The following TNFSF4 variants were observed in gnomAD, a reference collection of about 807,000 sequenced individuals.
TNFSF4 encodes tumor necrosis factor ligand superfamily member 4.
TNFSF4 carries 4 observed loss-of-function variants against 7.3 expected under a neutral mutation model. The observed-to-expected ratio is 0.55, with a 90% CI of 0.27 to 1.25. The LOEUF (loss-of-function observed/expected upper bound fraction) is 1.25, where lower values mean the gene tolerates loss of function less well. Among genes scored for constraint, TNFSF4 ranks in the 50% most tolerant of loss-of-function variants. The pLI, the probability that TNFSF4 is intolerant of heterozygous loss-of-function variation, is 0.12. For synonymous variants in TNFSF4, 76 were observed against 83.7 expected (o/e 0.91, Z 0.50); for missense variants, 181 against 208.8 (o/e 0.87, Z 0.82).
the TNFSF4 span, among the ~76,000 whole-genome samples, chr1:173,257,511 C>A: frequency 6.6e-6 from 1 of 152,236 alleles, no homozygotes; most frequent in Non-Finnish European, 1.5e-5. Context: ...CAACGGGTTA[C>A]AAATTTTAGG....
chr1:173,257,584 C>T, the TNFSF4 span, among the ~76,000 whole-genome samples: 3,861 of 152,262 alleles, frequency 0.025, 68 homozygotes, highest in Admixed American at 0.053. Context: ...CACAAAAGCA[C>T]TATATTTATT....
chr1:173,440,121 G>A, the TNFSF4 span, among the ~76,000 whole-genome samples: 3 of 152,138 alleles, frequency 2.0e-5, no homozygotes, highest in Non-Finnish European at 4.4e-5. Flanking sequence ...GGCCTGGTTG[G>A]AGCTAACTAG....
At chr1:173,371,764 C>T in the TNFSF4 span, among the ~76,000 whole-genome samples, 7 of 152,152 alleles carry the variant, frequency 4.6e-5, no homozygotes, top group African/African-American at 1.4e-4. Flanking sequence ...TCTCAAATAC[C>T]AGAGGAAGCA....
the TNFSF4 span, among the ~76,000 whole-genome samples, chr1:173,242,783 A>G: frequency 1.3e-5 from 2 of 152,126 alleles, no homozygotes; most frequent in African/African-American, 2.4e-5. Context: ...AGACTGGCAA[A>G]GGCAGGGAAG....
In TNFSF4 at chr1:173,186,671, T is replaced by C; in HGVS notation, c.397A>G (p.Arg133Gly). The change falls in exon 3 of 3, where the codon AGG becomes GGG. Residue 133 changes from arginine to glycine, a missense_variant. By Grantham distance (125) the Arg-to-Gly change is moderately radical. Coordinates refer to ENST00000281834, the MANE Select transcript of TNFSF4 (RefSeq NM_003326.5). ...GCCACCATCAAGGAGTTGACAGACC[T>C]GACCTTCTTCAGTTGGAAGAGGGGC... ...EEPLFQLKKV[R>G]SVNSLMVASL... 6.2e-7 allele frequency: 1 copy of C among 1,614,196 alleles called. No individual in the cohort carries two copies. The highest frequency in any genetic ancestry group is 8.5e-7 in the Non-Finnish European group (1 of 1,180,014).
chr1:173,416,470 G>T, the TNFSF4 span, among the ~76,000 whole-genome samples: 7 of 152,148 alleles, frequency 4.6e-5, no homozygotes, highest in Non-Finnish European at 1.0e-4. Context: ...CACCTGTGGA[G>T]GGTGGGCAGT....
the TNFSF4 span, among the ~76,000 whole-genome samples, chr1:173,354,061 T>A: frequency 6.6e-6 from 1 of 150,428 alleles, no homozygotes; most frequent in Non-Finnish European, 1.5e-5. Flanking sequence ...TAGGAGGTGG[T>A]TTTTTAAAAA....
chr1:173,330,311 G>T, the TNFSF4 span, among the ~76,000 whole-genome samples: 1 of 113,976 alleles, frequency 8.8e-6, no homozygotes, highest in Admixed American at 9.0e-5. Flanking sequence ...AATATTAATT[G>T]ACAATATTAA....
At chr1:173,174,824 A>T in the TNFSF4 span, among the ~76,000 whole-genome samples, 3 of 152,342 alleles carry the variant, frequency 2.0e-5, no homozygotes, top group East Asian at 3.9e-4. Context: ...ATACACTGCC[A>T]TATGGCCAAT....
At chr1:173,198,418 G>T (rs1401350287) in intron 1 of TNFSF4, among the ~76,000 whole-genome samples, 1 of 152,222 alleles carries the variant, frequency 6.6e-6, no homozygotes, top group Non-Finnish European at 1.5e-5. Flanking sequence ...CTGAACAGAA[G>T]ATCACTTTCA....
chr1:173,249,218 G>T, the TNFSF4 span, among the ~76,000 whole-genome samples: 1 of 152,148 alleles, frequency 6.6e-6, no homozygotes, highest in African/African-American at 2.4e-5. Context: ...GAGTGAGCAG[G>T]TTTGCAGAGG....
the TNFSF4 span, among the ~76,000 whole-genome samples, chr1:173,421,235 A>G: frequency 6.6e-6 from 1 of 152,232 alleles, no homozygotes; most frequent in East Asian, 1.9e-4. Context: ...CATGGGACAT[A>G]AATATTTTAT....
chr1:173,330,723 G>A, the TNFSF4 span, among the ~76,000 whole-genome samples: 1 of 152,058 alleles, frequency 6.6e-6, no homozygotes, highest in Non-Finnish European at 1.5e-5. Context: ...CATAGTGAAA[G>A]TGCATTGCAA....
At chr1:173,217,215 T>G in the TNFSF4 span, among the ~76,000 whole-genome samples, 1 of 152,210 alleles carries the variant, frequency 6.6e-6, no homozygotes, top group Non-Finnish European at 1.5e-5. Flanking sequence ...CATATTCCCC[T>G]GCTTATTCCA....
At chr1:173,243,583 T>A in the TNFSF4 span, among the ~76,000 whole-genome samples, 1 of 152,164 alleles carries the variant, frequency 6.6e-6, no homozygotes, top group Admixed American at 6.5e-5. Flanking sequence ...CATCTAGCTA[T>A]CCCCAAAACA....
At chr1:173,395,377 A>ATATATAT in the TNFSF4 span, among the ~76,000 whole-genome samples, 6 of 63,236 alleles carry the variant, frequency 9.5e-5, no homozygotes, top group East Asian at 4.5e-3. Context: ...CTGTGTATAT[A>ATATATAT]ATATATATAT....
At chr1:173,294,596 G>T in the TNFSF4 span, among the ~76,000 whole-genome samples, 2 of 151,764 alleles carry the variant, frequency 1.3e-5, no homozygotes, top group Non-Finnish European at 2.9e-5. Flanking sequence ...TAAAATAAAA[G>T]TTTTTTAAAA....
At chr1:173,285,581 A>C in the TNFSF4 span, among the ~76,000 whole-genome samples, 6 of 152,266 alleles carry the variant, frequency 3.9e-5, no homozygotes, top group South Asian at 6.2e-4. Flanking sequence ...TTGTTGTCTT[A>C]TTTTAAGAAA....
the TNFSF4 span, among the ~76,000 whole-genome samples, chr1:173,421,745 G>T: frequency 1.4e-4 from 21 of 151,746 alleles, no homozygotes; most frequent in African/African-American, 5.1e-4. Flanking sequence ...CTATTTCAAG[G>T]CTACCTCTAG....
Sources: allele counts gnomAD v4.1 joint callset (sites outside exome capture counted in the v4.1 genomes callset), GRCh38; gene constraint gnomAD v4.1.1; transcripts MANE v1.5; gene names NCBI Gene and HGNC (gene_info 2026-07-23, HGNC 2026-07-21).